The following SCHIP1 variants were observed in gnomAD, a reference collection of about 807,000 sequenced individuals.
SCHIP1 encodes the protein schwannomin interacting protein 1.
Under a neutral mutation model 29.7 loss-of-function variants are expected in SCHIP1, and 8 were observed. The ratio of observed to expected loss-of-function variants is 0.27; its 90% CI spans 0.16 to 0.49. The LOEUF is 0.49. Ranked by LOEUF, SCHIP1 falls within the 20% of genes least tolerant of loss-of-function variation. SCHIP1 has a pLI of 0.99. For synonymous variants in SCHIP1, 76 were observed against 94.9 expected, an observed-to-expected ratio of 0.80 and a Z score of 1.16; for missense variants, 193 against 294.6, an observed-to-expected ratio of 0.66 and a Z score of 2.52.
chr3:159,607,603 A>C, the SCHIP1 span, among the ~76,000 whole-genome samples: 1 of 152,276 alleles, frequency 6.6e-6, no homozygotes. Flanking sequence ...CTAGCAGCAC[A>C]AAAATATGAA....
chr3:159,464,628 C>A, the SCHIP1 span, among the ~76,000 whole-genome samples: 1 of 152,142 alleles, frequency 6.6e-6, no homozygotes, highest in Non-Finnish European at 1.5e-5. Flanking sequence ...CTTTTATCCA[C>A]TTTAGTTACT....
the SCHIP1 span, among the ~76,000 whole-genome samples, chr3:159,370,685 G>A: frequency 2.0e-4 from 31 of 152,182 alleles, no homozygotes; most frequent in Non-Finnish European, 3.8e-4. Context: ...ACAAAAAAGT[G>A]GAGAAATGGA....
the SCHIP1 span, among the ~76,000 whole-genome samples, chr3:159,585,644 C>A: frequency 6.6e-6 from 1 of 152,120 alleles, no homozygotes; most frequent in Non-Finnish European, 1.5e-5. Flanking sequence ...ACATAGCACA[C>A]TTATCCATCT....
At chr3:159,574,612 A>G in the SCHIP1 span, among the ~76,000 whole-genome samples, 2 of 152,220 alleles carry the variant, frequency 1.3e-5, no homozygotes, top group Admixed American at 1.3e-4. Context: ...CAGAGCTCAA[A>G]TGCTGTGCTG....
At chr3:159,362,134 C>G in the SCHIP1 span, among the ~76,000 whole-genome samples, 1 of 152,108 alleles carries the variant, frequency 6.6e-6, no homozygotes, top group Non-Finnish European at 1.5e-5. Context: ...AAAGTACCAG[C>G]TGAAGATACC....
chr3:159,855,613 A>G (rs1026234362), intron 1 of SCHIP1, among the ~76,000 whole-genome samples: 15 of 152,308 alleles, frequency 9.8e-5, no homozygotes, highest in Non-Finnish European at 2.1e-4. Flanking sequence ...ACACAAATAG[A>G]TATTTTAGAG....
the SCHIP1 span, among the ~76,000 whole-genome samples, chr3:159,600,956 T>G: frequency 6.6e-6 from 1 of 152,252 alleles, no homozygotes; most frequent in African/African-American, 2.4e-5. Flanking sequence ...CTTTCTGTGA[T>G]TTCCTCAAAG....
chr3:159,883,623 T>G (rs148374461), intron 2 of SCHIP1, among the ~76,000 whole-genome samples: 169 of 152,270 alleles, frequency 1.1e-3, no homozygotes, highest in Non-Finnish European at 1.9e-3. Flanking sequence ...TGAGCTCGTT[T>G]TAAGATGTCT....
rs200612935 is a variant in SCHIP1 at position 159,842,378 on chromosome 3, G to A, written c.30+2164G>A. Among the ~76,000 whole-genome samples the A allele has an allele frequency of 3.3e-5, 5 of 152,154 alleles. No homozygotes were observed. In the East Asian group the frequency reaches 9.6e-4, roughly 29 times the overall value. ...TATAGATGTACATCATTGTTGTCGT[G>A]GTTGTTATTGTCATCATAATTACAG... On this transcript the variant is annotated intron_variant, in intron 1 of 6. Transcript: ENST00000445224.
chr3:159,554,116 C>T, the SCHIP1 span, among the ~76,000 whole-genome samples: 911 of 152,026 alleles, frequency 6.0e-3, 9 homozygotes, highest in African/African-American at 0.021. Flanking sequence ...GTGATCCGCC[C>T]GCCTTGGCTT....
At chr3:159,699,221 T>G in the SCHIP1 span, among the ~76,000 whole-genome samples, 1 of 152,242 alleles carries the variant, frequency 6.6e-6, no homozygotes, top group African/African-American at 2.4e-5. Context: ...AGGCATTTGC[T>G]CTATCACATT....
At chr3:159,472,895 TG>T in the SCHIP1 span, among the ~76,000 whole-genome samples, 1 of 152,194 alleles carries the variant, frequency 6.6e-6, no homozygotes, top group South Asian at 2.1e-4. Context: ...AGTCACACAG[TG>T]GGTTGTGATG....
At chr3:159,723,825 G>A in the SCHIP1 span, among the ~76,000 whole-genome samples, 2 of 152,146 alleles carry the variant, frequency 1.3e-5, no homozygotes, top group African/African-American at 4.8e-5. Context: ...CATTTCAAAT[G>A]AAAGATACTT....
chr3:159,742,707 ACC>A, the SCHIP1 span, among the ~76,000 whole-genome samples: 1 of 149,290 alleles, frequency 6.7e-6, no homozygotes, highest in Non-Finnish European at 1.5e-5. Context: ...TCGCTCCATC[ACC>A]CAGGCTGGAG....
the SCHIP1 span, among the ~76,000 whole-genome samples, chr3:159,677,076 A>T: frequency 6.6e-6 from 1 of 152,060 alleles, no homozygotes; most frequent in Non-Finnish European, 1.5e-5. Context: ...TCTCAGACAC[A>T]TCTTCCATCC....
chr3:159,458,504 A>G, the SCHIP1 span, among the ~76,000 whole-genome samples: 72,424 of 151,916 alleles, frequency 0.48, 20,000 homozygotes, highest in African/African-American at 0.77. Flanking sequence ...TGGACTCAGC[A>G]TGGGCAATTT....
the SCHIP1 span, among the ~76,000 whole-genome samples, chr3:159,697,252 T>C: frequency 6.6e-6 from 1 of 152,120 alleles, no homozygotes; most frequent in African/African-American, 2.4e-5. Context: ...GAAAAAGACA[T>C]GAGGGAGAAG....
At chr3:159,812,204 C>G in the SCHIP1 span, among the ~76,000 whole-genome samples, 1 of 152,056 alleles carries the variant, frequency 6.6e-6, no homozygotes, top group East Asian at 1.9e-4. Context: ...CTACTGGCCT[C>G]AAGTGATCCA....
the SCHIP1 span, chr3:159,274,156 G>T: frequency 1.0e-6 from 1 of 985,132 alleles, no homozygotes; most frequent in African/African-American, 1.7e-5. Context: ...AAAACTAATT[G>T]CATTGCAGTG....
Sources: allele counts gnomAD v4.1 joint callset (sites outside exome capture counted in the v4.1 genomes callset), GRCh38; gene constraint gnomAD v4.1.1; transcripts MANE v1.5; gene names NCBI Gene and HGNC (gene_info 2026-07-23, HGNC 2026-07-21).